Variants in IL1RAPL2 observed in about 807,000 individuals in gnomAD.
IL1RAPL2 encodes the protein interleukin 1 receptor accessory protein like 2, also known as X-linked interleukin-1 receptor accessory protein-like 2.
In IL1RAPL2, 3 loss-of-function variants were observed where a neutral mutation model predicts 44.1. That is an observed-to-expected ratio of 0.07 (90% CI 0.03 to 0.18). The LOEUF is 0.18. IL1RAPL2 is among the 10% of genes least tolerant of loss of function. The pLI, the probability that IL1RAPL2 is intolerant of heterozygous loss-of-function variation, is 1.00. For synonymous variants in IL1RAPL2, 181 were observed against 178.8 expected (o/e 1.01, Z -0.10); for missense variants, 391 against 496.4 (o/e 0.79, Z 2.02).
At position 104,599,165 on chromosome X, in the gene IL1RAPL2, G is replaced by A. The variant is rs778202440; in HGVS notation, c.-20+32114G>A. Among the ~76,000 whole-genome samples, 4 of 112,023 alleles carry A rather than the reference G, an allele frequency of 3.6e-5. No individual in the cohort carries two copies. In the South Asian group the frequency reaches 1.5e-3, roughly 42 times the overall value. The stretch of plus-strand genomic sequence containing the variant: ...TATATTTATGTCCTCCATAGGACCT[G>A]GAAGAATGATCTGTATATAGTGTGT... On this transcript the variant is annotated intron_variant, in intron 1 of 10. Coordinates refer to ENST00000372582, the MANE Select transcript of IL1RAPL2 (RefSeq NM_017416.2).
chrX:104,915,145 A>G (rs1924377094), intron 2 of IL1RAPL2, among the ~76,000 whole-genome samples: 1 of 111,603 alleles, frequency 9.0e-6, no homozygotes, highest in Admixed American at 9.5e-5. Flanking sequence ...CGCCACACTG[A>G]CTTCCACAAT....
intron 1 of IL1RAPL2, among the ~76,000 whole-genome samples, chrX:104,609,636 C>T (rs966227427): frequency 1.4e-4 from 16 of 111,588 alleles, no homozygotes; most frequent in Middle Eastern, 4.6e-3. Flanking sequence ...TCCGCTTGAT[C>T]GAATCAGCTT....
intron 2 of IL1RAPL2, among the ~76,000 whole-genome samples, chrX:104,744,091 A>G (rs1216704096): frequency 1.8e-5 from 2 of 110,844 alleles, no homozygotes; most frequent in Non-Finnish European, 3.8e-5. Context: ...GCTGTACACA[A>G]AGGGATGGGT....
intron 2 of IL1RAPL2, among the ~76,000 whole-genome samples, chrX:104,906,927 G>T (rs1924032336): frequency 9.0e-6 from 1 of 111,424 alleles, no homozygotes; most frequent in South Asian, 3.8e-4. Context: ...GAATCCTTCT[G>T]GTCCTGGACT....
At chrX:104,873,651 C>G (rs1405749578) in intron 2 of IL1RAPL2, among the ~76,000 whole-genome samples, 1 of 110,983 alleles carries the variant, frequency 9.0e-6, no homozygotes, top group Non-Finnish European at 1.9e-5. Flanking sequence ...CTTAAAAGTT[C>G]TAGGAAGCAG....
intron 1 of IL1RAPL2, among the ~76,000 whole-genome samples, chrX:104,574,025 G>A (rs957519770): frequency 9.0e-6 from 1 of 111,335 alleles, no homozygotes. Context: ...AGATATTTTA[G>A]ATTATTTGAA....
chrX:104,949,169 T>G (rs1186239196), intron 2 of IL1RAPL2, among the ~76,000 whole-genome samples: 8 of 109,408 alleles, frequency 7.3e-5, no homozygotes, highest in South Asian at 4.1e-4. Flanking sequence ...GTCGAGGAAT[T>G]TATCCATTTC....
chrX:104,610,433 G>C (rs993568332), intron 1 of IL1RAPL2, among the ~76,000 whole-genome samples: 1 of 111,917 alleles, frequency 8.9e-6, no homozygotes, highest in Non-Finnish European at 1.9e-5. Flanking sequence ...CTTCAGCAAA[G>C]TCTCAGGATA....
At chrX:105,035,004 A>G (rs1336900548) in intron 2 of IL1RAPL2, among the ~76,000 whole-genome samples, 1 of 72,781 alleles carries the variant, frequency 1.4e-5, no homozygotes, top group Admixed American at 1.7e-4. Context: ...TGTGCTAGCA[A>G]TCAGCGAGAC....
chrX:105,430,575 G>C (rs773942323), intron 5 of IL1RAPL2, among the ~76,000 whole-genome samples: 2 of 111,303 alleles, frequency 1.8e-5, no homozygotes, highest in African/African-American at 6.5e-5. Flanking sequence ...TAGAATATTA[G>C]TATCAAATTT....
rs769538234 is a variant in IL1RAPL2, at chrX:104,577,790, T to C, written c.-20+10739T>C. ...GTAGCCTTGCAGGGGTCAGGACTCA[T>C]ACAGAGTGGGGTGGCAGTCTGGCAA... On this transcript the variant is annotated intron_variant, in intron 1 of 10. Transcript: ENST00000372582. Among the ~76,000 whole-genome samples the C allele has an allele frequency of 2.7e-5, 3 of 110,967 alleles. No individual in the cohort carries two copies. In the South Asian group the frequency reaches 1.2e-3, roughly 43 times the overall value.
At chrX:105,575,105 C>T (rs1477269931) in intron 6 of IL1RAPL2, among the ~76,000 whole-genome samples, 1 of 111,962 alleles carries the variant, frequency 8.9e-6, no homozygotes, top group African/African-American at 3.2e-5. Flanking sequence ...AAAATATTGT[C>T]ATCACCTGAA....
chrX:104,914,254 G>C (rs1003838096), intron 2 of IL1RAPL2, among the ~76,000 whole-genome samples: 12 of 111,899 alleles, frequency 1.1e-4, no homozygotes, highest in African/African-American at 2.9e-4. Flanking sequence ...CGAAATTGTG[G>C]AGTAATTACT....
chrX:104,630,225 G>A (rs1162622390), intron 1 of IL1RAPL2, among the ~76,000 whole-genome samples: 1 of 106,702 alleles, frequency 9.4e-6, no homozygotes, highest in Non-Finnish European at 1.9e-5. Flanking sequence ...TCGGCTCACT[G>A]CAATCTCCGC....
intron 2 of IL1RAPL2, among the ~76,000 whole-genome samples, chrX:104,680,694 C>T (rs888529688): frequency 1.8e-5 from 2 of 111,365 alleles, no homozygotes; most frequent in Non-Finnish European, 3.8e-5. Context: ...CCTGTACCAT[C>T]CTTCTGTTTA....
intron 3 of IL1RAPL2, chrX:105,219,230 C>T (rs1556173341): frequency 3.3e-6 from 4 of 1,210,803 alleles, no homozygotes; most frequent in Non-Finnish European, 4.5e-6. Context: ...GTGACTGTTG[C>T]TTGTGGAGGG....
intron 2 of IL1RAPL2, among the ~76,000 whole-genome samples, chrX:104,893,753 G>T (rs1224474583): frequency 3.6e-5 from 4 of 111,808 alleles, no homozygotes; most frequent in East Asian, 5.6e-4. Flanking sequence ...TTGCCAGTCT[G>T]TGTCTTTTAA....
intron 3 of IL1RAPL2, among the ~76,000 whole-genome samples, chrX:105,226,063 A>T (rs2034011449): frequency 8.9e-6 from 1 of 111,799 alleles, no homozygotes; most frequent in Non-Finnish European, 1.9e-5. Context: ...TACAGTTAGT[A>T]TCTGCCTCTG....
chrX:104,827,287 G>A (rs368935480), intron 2 of IL1RAPL2, among the ~76,000 whole-genome samples: 5 of 110,776 alleles, frequency 4.5e-5, no homozygotes, highest in African/African-American at 1.6e-4. Flanking sequence ...CATATTTAGT[G>A]GTTCCTTCAG....
Sources: gnomAD v4.1 joint callset for allele counts (sites outside exome capture counted in the v4.1 genomes callset) on GRCh38, gnomAD v4.1.1 for gene constraint, MANE v1.5 for transcripts, NCBI Gene and HGNC (gene_info 2026-07-23, HGNC 2026-07-21) for gene names.